The following SLC25A21 variants were observed in gnomAD, a reference collection of about 807,000 sequenced individuals.
SLC25A21 encodes the protein mitochondrial 2-oxodicarboxylate carrier.
In SLC25A21, 47 loss-of-function variants were observed where a neutral mutation model predicts 43.8. The ratio of observed to expected loss-of-function variants is 1.07; its 90% CI spans 0.85 to 1.37. The LOEUF is 1.37. Ranked by LOEUF, SLC25A21 falls within the 40% of genes most tolerant of loss-of-function variation. The pLI is 0.00. For synonymous variants in SLC25A21, 131 were observed against 121.3 expected (o/e 1.08, Z -0.52); for missense variants, 352 against 350.2 (o/e 1.00, Z -0.04).
intron 1 of SLC25A21, among the ~76,000 whole-genome samples, chr14:36,887,874 A>G (rs2138578386): frequency 6.6e-6 from 1 of 152,294 alleles, no homozygotes; most frequent in Admixed American, 6.5e-5. Context: ...ATTGCCTAAA[A>G]AGAAGCTCTC....
intron 1 of SLC25A21, among the ~76,000 whole-genome samples, chr14:37,058,466 G>A (rs1051966879): frequency 6.6e-5 from 10 of 152,140 alleles, no homozygotes; most frequent in African/African-American, 2.2e-4. Flanking sequence ...TTTAAATCCA[G>A]ATCTGTGAGA....
chr14:36,912,903 G>C (rs1891731553), intron 1 of SLC25A21, among the ~76,000 whole-genome samples: 2 of 152,092 alleles, frequency 1.3e-5, no homozygotes, highest in South Asian at 4.1e-4. Flanking sequence ...TGAGTACCTT[G>C]AGAATAAGAA....
intron 7 of SLC25A21, among the ~76,000 whole-genome samples, chr14:36,704,224 C>T (rs1373790414): frequency 2.6e-5 from 4 of 152,106 alleles, no homozygotes; most frequent in African/African-American, 7.2e-5. Flanking sequence ...ACCGAGGATA[C>T]GAAAGGGAGG....
chr14:36,919,617 AT>A (rs1340343380), intron 1 of SLC25A21, among the ~76,000 whole-genome samples: 109 of 41,464 alleles, frequency 2.6e-3, no homozygotes, highest in African/African-American at 0.01. Context: ...AAGATTATCT[AT>A]CTACCTATCT....
At chr14:36,683,905 C>T (rs370419187) in intron 8 of SLC25A21, 25 bp from the exon 9 acceptor site, 30 of 1,569,716 alleles carry the variant, frequency 1.9e-5, no homozygotes, top group East Asian at 1.3e-4. Flanking sequence ...GAAAGAGAAA[C>T]GTTCTTATTC....
intron 5 of SLC25A21, among the ~76,000 whole-genome samples, chr14:36,726,933 A>G (rs995953849): frequency 1.3e-5 from 2 of 152,188 alleles, no homozygotes; most frequent in South Asian, 4.1e-4. Context: ...TCTAAAAGAG[A>G]GGAAGGAGGG....
chr14:36,933,086 G>A (rs1409066164), intron 1 of SLC25A21, among the ~76,000 whole-genome samples: 1 of 152,018 alleles, frequency 6.6e-6, no homozygotes, highest in African/African-American at 2.4e-5. Context: ...ATGAAAGCAG[G>A]GTGAGATGAA....
At chr14:37,032,271 C>G (rs183864402) in intron 1 of SLC25A21, among the ~76,000 whole-genome samples, 115 of 152,212 alleles carry the variant, frequency 7.6e-4, no homozygotes, top group African/African-American at 1.5e-3. Context: ...CGCGGTGGCT[C>G]ACGCTTGTAA....
chr14:37,120,264 T>G (rs1221236362), intron 1 of SLC25A21, among the ~76,000 whole-genome samples: 1 of 152,168 alleles, frequency 6.6e-6, no homozygotes, highest in Non-Finnish European at 1.5e-5. Context: ...CACCTCCAAG[T>G]TTTTAATCAA....
intron 1 of SLC25A21, among the ~76,000 whole-genome samples, chr14:37,102,596 T>C (rs904642645): frequency 6.6e-6 from 1 of 151,988 alleles, no homozygotes; most frequent in African/African-American, 2.4e-5. Flanking sequence ...ACCCAAAACA[T>C]AGAAAAAGGA....
intron 1 of SLC25A21, among the ~76,000 whole-genome samples, chr14:37,077,514 G>T (rs565504972): frequency 6.6e-6 from 1 of 152,074 alleles, no homozygotes; most frequent in Admixed American, 6.5e-5. Context: ...TTTAGAACAC[G>T]TGACATAGAA....
chr14:36,854,838 A>C (rs1301943033), intron 2 of SLC25A21, among the ~76,000 whole-genome samples: 1 of 151,654 alleles, frequency 6.6e-6, no homozygotes, highest in Non-Finnish European at 1.5e-5. Context: ...ATGGTCATAC[A>C]GTTCAGATGA....
intron 1 of SLC25A21, among the ~76,000 whole-genome samples, chr14:37,062,148 T>C (rs909074753): frequency 1.3e-5 from 2 of 152,250 alleles, no homozygotes; most frequent in South Asian, 2.1e-4. Context: ...ATACTTTGTT[T>C]TGGGGATTCT....
intron 1 of SLC25A21, among the ~76,000 whole-genome samples, chr14:37,163,269 T>A (rs1410900350): frequency 6.6e-6 from 1 of 150,558 alleles, no homozygotes; most frequent in East Asian, 2.0e-4. Context: ...TGTGCACATG[T>A]ACCCTAAAAC....
intron 1 of SLC25A21, among the ~76,000 whole-genome samples, chr14:36,885,656 G>A (rs187600822): frequency 1.1e-3 from 167 of 152,250 alleles, no homozygotes; most frequent in African/African-American, 3.7e-3. Context: ...GGAAGTAAGT[G>A]TACTGATAAG....
intron 3 of SLC25A21, among the ~76,000 whole-genome samples, chr14:36,768,762 G>A (rs1296422645): frequency 2.0e-5 from 3 of 151,980 alleles, no homozygotes; most frequent in East Asian, 1.9e-4. Flanking sequence ...GTTAATGCAC[G>A]GACAAAGCTA....
intron 1 of SLC25A21, among the ~76,000 whole-genome samples, chr14:36,949,888 G>C (rs1461732703): frequency 1.3e-5 from 2 of 152,160 alleles, no homozygotes; most frequent in South Asian, 4.1e-4. Flanking sequence ...AAAAGGTGGG[G>C]GAAGGGGCTC....
At chr14:37,121,202 GAA>G (rs1393837081) in intron 1 of SLC25A21, among the ~76,000 whole-genome samples, 1 of 152,134 alleles carries the variant, frequency 6.6e-6, no homozygotes, top group African/African-American at 2.4e-5. Context: ...GAAAATTATT[GAA>G]AAGATTAGTC....
At chr14:36,912,914 A>G (rs1204487250) in intron 1 of SLC25A21, among the ~76,000 whole-genome samples, 3 of 152,152 alleles carry the variant, frequency 2.0e-5, no homozygotes, top group Admixed American at 6.5e-5. Flanking sequence ...AGAATAAGAA[A>G]TATTTTATCT....
Sources: gnomAD v4.1 joint callset for allele counts (sites outside exome capture counted in the v4.1 genomes callset) on GRCh38, gnomAD v4.1.1 for gene constraint, MANE v1.5 for transcripts, NCBI Gene and HGNC (gene_info 2026-07-23, HGNC 2026-07-21) for gene names.